PPP1R42: variants seen among roughly 807,000 people sequenced by gnomAD.
The protein encoded by PPP1R42 is leucine rich repeat containing 67.
A neutral mutation model predicts 31.0 loss-of-function variants in PPP1R42; 34 were observed. That is an observed-to-expected ratio of 1.10 (90% confidence interval 0.83 to 1.46). The LOEUF is 1.46. Among genes scored for constraint, PPP1R42 ranks in the 40% most tolerant of loss-of-function variants. The probability of loss-of-function intolerance (pLI) is 0.00; values close to 1 mark genes in which losing one functional copy is unlikely to be tolerated. For missense variants in PPP1R42, 268 were observed against 303.0 expected (o/e 0.88, Z 0.86); for synonymous variants, 103 against 109.8 (o/e 0.94, Z 0.39).
At chr8:66,968,179 T>TA (rs1814439381) in intron 7 of PPP1R42, among the ~76,000 whole-genome samples, 1 of 152,228 alleles carries the variant, frequency 6.6e-6, no homozygotes, top group Non-Finnish European at 1.5e-5. Flanking sequence ...ATTGATAGTA[T>TA]CAAGTTCAGT....
intron 7 of PPP1R42, among the ~76,000 whole-genome samples, chr8:66,969,823 C>G (rs941829053): frequency 6.6e-6 from 1 of 152,128 alleles, no homozygotes; most frequent in Non-Finnish European, 1.5e-5. Context: ...TATTATTGGC[C>G]TTTAGTATAT....
intron 5 of PPP1R42, among the ~76,000 whole-genome samples, chr8:67,005,687 T>C (rs1815652097): frequency 6.6e-6 from 1 of 152,170 alleles, no homozygotes; most frequent in South Asian, 2.1e-4. Context: ...GTTATATGAA[T>C]TCCACCTTAA....
chr8:67,013,653 A>G (rs1361917235), intron 3 of PPP1R42, among the ~76,000 whole-genome samples: 2 of 152,134 alleles, frequency 1.3e-5, no homozygotes, highest in African/African-American at 4.8e-5. Context: ...CTAGGACATC[A>G]AGGCTGAGAT....
rs117730608 is a variant in PPP1R42 at position 66,987,056 on chromosome 8, C to G, written c.670+1344G>C. ...TCCAGCTACTTATATTTATTGATGT[C>G]TTTCCAGATCTATTTTTATTAATAA... On this transcript the variant is annotated intron_variant, in intron 6 of 7. Transcript: ENST00000685739. 1.4e-4 allele frequency among the ~76,000 whole-genome samples: 21 copies of G among 152,168 alleles called. No homozygotes were observed. The East Asian group carries it at 3.9e-3, about 28-fold the overall frequency.
intron 6 of PPP1R42, chr8:66,986,238 C>G (rs1815011252): frequency 1.9e-6 from 1 of 529,514 alleles, no homozygotes; most frequent in East Asian, 4.2e-5. Context: ...CCGCGCCCTG[C>G]CTGACATCAC....
chr8:66,991,059 A>G (rs1815175196), intron 5 of PPP1R42, among the ~76,000 whole-genome samples: 1 of 152,210 alleles, frequency 6.6e-6, no homozygotes, highest in Non-Finnish European at 1.5e-5. Context: ...CCTCATGATA[A>G]ATGGTCATCA....
intron 7 of PPP1R42, among the ~76,000 whole-genome samples, chr8:66,970,291 C>A (rs999185259): frequency 6.6e-6 from 1 of 151,854 alleles, no homozygotes; most frequent in Non-Finnish European, 1.5e-5. Flanking sequence ...CCACCATGTC[C>A]AGCTAATTTT....
chr8:66,986,623 C>T (rs757052506), intron 6 of PPP1R42, among the ~76,000 whole-genome samples: 3 of 152,340 alleles, frequency 2.0e-5, no homozygotes, highest in African/African-American at 2.4e-5. Context: ...GAACAAGTTG[C>T]TTGCTTTCTG....
intron 5 of PPP1R42, among the ~76,000 whole-genome samples, chr8:66,999,094 C>A (rs1815411881): frequency 1.3e-5 from 2 of 152,038 alleles, no homozygotes; most frequent in South Asian, 4.1e-4. Context: ...TACTTTGTTC[C>A]CCCGGCCAGC....
intron 2 of PPP1R42, among the ~76,000 whole-genome samples, chr8:67,017,327 G>A (rs1456352203): frequency 6.6e-6 from 1 of 151,756 alleles, no homozygotes; most frequent in Admixed American, 6.6e-5. Flanking sequence ...AACCCCATCT[G>A]TACTAAAAAT....
At chr8:66,990,714 C>G (rs1187199100) in intron 5 of PPP1R42, among the ~76,000 whole-genome samples, 1 of 152,220 alleles carries the variant, frequency 6.6e-6, no homozygotes, top group Non-Finnish European at 1.5e-5. Flanking sequence ...GACCAGCATA[C>G]TCCAATCTTT....
intron 5 of PPP1R42, among the ~76,000 whole-genome samples, chr8:67,000,986 T>G (rs141374556): frequency 9.8e-5 from 15 of 152,312 alleles, no homozygotes; most frequent in Admixed American, 5.2e-4. Flanking sequence ...ATTCTATTGC[T>G]AGGAGCATAA....
chr8:67,027,721 T>C lies in PPP1R42; in HGVS notation c.-85+770A>G, dbSNP rs183473041. Among the ~76,000 whole-genome samples, 39 of 152,316 alleles carry C rather than the reference T, an allele frequency of 2.6e-4. No homozygotes were observed. The East Asian group carries it at 7.1e-3, about 28-fold the overall frequency. On this transcript the variant is annotated intron_variant, in intron 1 of 7. Transcript: ENST00000685739. The stretch of plus-strand genomic sequence containing the variant: ...ATATTTTAGAACATTATAATAAAAA[T>C]AATGTCCGCACTTGTGAAGTGTCTT...
rs1563432779 is a variant in PPP1R42 at position 67,017,705 on chromosome 8, G to A, written c.43C>T (p.Leu15Phe). The A allele has an allele frequency of 6.2e-7, 1 of 1,600,158 alleles. No homozygotes were observed. The highest frequency in any genetic ancestry group is 1.1e-5 in the South Asian group (1 of 87,310). The change falls in exon 2 of 8, where the codon CTT becomes TTT. Residue 15 changes from leucine to phenylalanine, a missense_variant. Leu to Phe is a conservative substitution (Grantham distance 22). Coordinates refer to ENST00000685739, the MANE Select transcript of PPP1R42 (RefSeq NM_001364910.1). ...ATGGTTTCTTCTTTTCGGGGTTTAAGATTGCTGTTTCTGGCAATTAGATCC... is the reference window on the plus strand; with the variant it reads ...ATGGTTTCTTCTTTTCGGGGTTTAAAATTGCTGTTTCTGGCAATTAGATCC... Reference protein sequence around the residue: ...TLDLIARNSNLKPRKEETISQ... With the variant: ...TLDLIARNSNFKPRKEETISQ...
At chr8:66,973,449 G>T (rs1201098474) in intron 7 of PPP1R42, among the ~76,000 whole-genome samples, 7 of 151,942 alleles carry the variant, frequency 4.6e-5, no homozygotes, top group Non-Finnish European at 7.4e-5. Context: ...GACTACAGGG[G>T]CACGCCACCA....
intron 3 of PPP1R42, among the ~76,000 whole-genome samples, chr8:67,013,677 G>A (rs1437607707): frequency 2.0e-5 from 3 of 152,112 alleles, no homozygotes; most frequent in Non-Finnish European, 2.9e-5. Context: ...TCATGATCGC[G>A]CCACTGCATT....
intron 6 of PPP1R42, chr8:66,984,145 C>T (rs1478965759): frequency 1.7e-5 from 27 of 1,591,656 alleles, no homozygotes; most frequent in Non-Finnish European, 4.3e-6. Flanking sequence ...AATCAGTGGA[C>T]TCTACACAGA....
chr8:66,971,266 T>C (rs1023601244), intron 7 of PPP1R42: 3 of 565,812 alleles, frequency 5.3e-6, no homozygotes, highest in Non-Finnish European at 8.2e-6. Flanking sequence ...GTAAAACTAG[T>C]AATAAAATTA....
intron 2 of PPP1R42, among the ~76,000 whole-genome samples, chr8:67,014,939 C>G (rs1815958265): frequency 6.6e-6 from 1 of 152,116 alleles, no homozygotes; most frequent in Non-Finnish European, 1.5e-5. Context: ...TTTAATATTT[C>G]TGTAGAATTG....
Sources: allele counts gnomAD v4.1 joint callset (sites outside exome capture counted in the v4.1 genomes callset), GRCh38; gene constraint gnomAD v4.1.1; transcripts MANE v1.5; gene names NCBI Gene and HGNC (gene_info 2026-07-23, HGNC 2026-07-21).